The following ANAPC7 variants were observed in gnomAD, a reference collection of about 807,000 sequenced individuals.
ANAPC7 encodes the protein anaphase-promoting complex subunit 7.
Under a neutral mutation model 63.3 loss-of-function variants are expected in ANAPC7, and 25 were observed. That is an observed-to-expected ratio of 0.39 (90% CI 0.29 to 0.55). ANAPC7 has a LOEUF of 0.55. Ranked by LOEUF, ANAPC7 falls within the 20% of genes least tolerant of loss-of-function variation. The pLI is 0.57. For missense variants in ANAPC7, 516 were observed against 691.7 expected (o/e 0.75, Z 2.85); for synonymous variants, 241 against 251.7 (o/e 0.96, Z 0.40).
intron 10 of ANAPC7, among the ~76,000 whole-genome samples, chr12:110,375,227 C>G (rs1308475474): frequency 6.6e-6 from 1 of 152,178 alleles, no homozygotes; most frequent in African/African-American, 2.4e-5. Flanking sequence ...GGCTCCTGCC[C>G]TCTGGACTCC....
chr12:110,386,186 A>C, intron 6 of ANAPC7, 141 bp downstream of exon 6: 1 of 1,267,132 alleles, frequency 7.9e-7, no homozygotes, highest in South Asian at 1.3e-5. Flanking sequence ...GTCATGACCT[A>C]AAAAAAGTAA....
intron 3 of ANAPC7, among the ~76,000 whole-genome samples, chr12:110,389,998 G>A (rs1000395635): frequency 1.3e-5 from 2 of 152,004 alleles, no homozygotes; most frequent in Non-Finnish European, 2.9e-5. Context: ...TCCTAAGAAT[G>A]TAGAAGTTAT....
intron 6 of ANAPC7, among the ~76,000 whole-genome samples, chr12:110,384,134 G>A (rs28816104): frequency 0.23 from 34,268 of 151,860 alleles, 5,095 homozygotes; most frequent in East Asian, 0.56. Flanking sequence ...CTCAGAGGGC[G>A]GATGTTGCAG....
intron 3 of ANAPC7, among the ~76,000 whole-genome samples, chr12:110,391,834 C>T (rs1183396684): frequency 1.3e-5 from 2 of 152,108 alleles, no homozygotes; most frequent in Non-Finnish European, 2.9e-5. Context: ...GTGGCTCATG[C>T]CTGTAATCCC....
At chr12:110,392,406 A>G (rs1786131038) in intron 3 of ANAPC7, among the ~76,000 whole-genome samples, 1 of 152,212 alleles carries the variant, frequency 6.6e-6, no homozygotes, top group Admixed American at 6.5e-5. Context: ...GGTTACTTTT[A>G]AAGTTCAGCA....
intron 10 of ANAPC7, chr12:110,375,338 G>T (rs963481301): frequency 3.3e-5 from 27 of 815,698 alleles, no homozygotes; most frequent in Admixed American, 1.2e-4. Context: ...ATCTCCAGTT[G>T]TCACTGAGAT....
At chr12:110,383,238 A>C (rs551256936) in intron 6 of ANAPC7, 3 of 292,850 alleles carry the variant, frequency 1.0e-5, no homozygotes, top group Non-Finnish European at 1.9e-5. Context: ...GGAGATCGAG[A>C]CCATCCTGGC....
chr12:110,403,584 A>T lies in ANAPC7; in HGVS notation c.44T>A (p.Leu15Gln). The T allele has an allele frequency of 6.2e-7, 1 of 1,608,874 alleles. No homozygotes were observed. The highest frequency in any genetic ancestry group is 8.5e-7 in the Non-Finnish European group (1 of 1,178,138). ...GCTGAGGAGCCGCACGTTGGAGTGC[A>T]GCCCCGCGGCCGCCATGTCCCGCAC... ...DHVRDMAAAG[L>Q]HSNVRLLSSL... Residue 15 changes from leucine (L) to glutamine (Q), a missense_variant, in exon 1 of 11, where the codon CTG (leucine) becomes CAG (glutamine). Around this residue, in one of 4 missense-constraint regions of ANAPC7, gnomAD observed 185 missense variants for 200.3 expected, o/e 0.92. Coordinates refer to ENST00000455511, the MANE Select transcript of ANAPC7 (RefSeq NM_016238.3).
chr12:110,390,908 T>C (rs774645270), intron 3 of ANAPC7, among the ~76,000 whole-genome samples: 1 of 152,204 alleles, frequency 6.6e-6, no homozygotes, highest in Non-Finnish European at 1.5e-5. Flanking sequence ...AAGTCAATTA[T>C]TGGCCGGGCG....
intron 9 of ANAPC7, 112 bp from the exon 10 acceptor site, chr12:110,376,328 G>A (rs915214172): frequency 1.1e-5 from 14 of 1,232,808 alleles, no homozygotes; most frequent in South Asian, 4.3e-5. Context: ...AACACAAAGC[G>A]AGGGCAAGCA....
intron 3 of ANAPC7, among the ~76,000 whole-genome samples, chr12:110,393,102 G>C (rs531576990): frequency 6.6e-6 from 1 of 151,946 alleles, no homozygotes; most frequent in Non-Finnish European, 1.5e-5. Flanking sequence ...GCCGACACCA[G>C]ATCTTTTGAT....
At chr12:110,402,459 A>G (rs1206424057) in intron 1 of ANAPC7, among the ~76,000 whole-genome samples, 1 of 151,720 alleles carries the variant, frequency 6.6e-6, no homozygotes, top group African/African-American at 2.4e-5. Context: ...CCTCCCGAGT[A>G]GCTGGGACTA....
At chr12:110,400,736 A>G (rs960326001) in intron 1 of ANAPC7, among the ~76,000 whole-genome samples, 2 of 151,984 alleles carry the variant, frequency 1.3e-5, no homozygotes, top group Admixed American at 1.3e-4. Context: ...TGTGGGTCTC[A>G]CTAGTAAGGT....
chr12:110,375,852 A>G (rs1469541402), intron 10 of ANAPC7: 1 of 1,264,816 alleles, frequency 7.9e-7, no homozygotes, highest in Non-Finnish European at 9.9e-7. Flanking sequence ...TGGGATGGTT[A>G]TGAGTGAAAC....
At chr12:110,399,781 ACT>A (rs1010775050) in intron 1 of ANAPC7, among the ~76,000 whole-genome samples, 125 of 131,574 alleles carry the variant, frequency 9.5e-4, no homozygotes, top group African/African-American at 3.4e-3. Context: ...CGAGAGAGAG[ACT>A]CTGTCTCAGA....
chr12:110,397,502 G>A (rs1480862321), intron 1 of ANAPC7, among the ~76,000 whole-genome samples: 3 of 150,440 alleles, frequency 2.0e-5, no homozygotes, highest in Non-Finnish European at 1.5e-5. Context: ...ATAGTAAGCC[G>A]AGATCGCGCC....
intron 6 of ANAPC7, among the ~76,000 whole-genome samples, chr12:110,386,037 C>G (rs1215572341): frequency 6.6e-6 from 1 of 151,908 alleles, no homozygotes; most frequent in African/African-American, 2.4e-5. Context: ...TCAGGCACAC[C>G]ATAAATTTAT....
chr12:110,377,968 T>A (rs1881443171), intron 8 of ANAPC7: 6 of 404,370 alleles, frequency 1.5e-5, no homozygotes, highest in Non-Finnish European at 2.4e-5. Flanking sequence ...GAGATCAAAG[T>A]AGTGAGAGAT....
chr12:110,401,151 G>C (rs1566281120), intron 1 of ANAPC7, among the ~76,000 whole-genome samples: 1 of 152,206 alleles, frequency 6.6e-6, no homozygotes, highest in African/African-American at 2.4e-5. Flanking sequence ...TTCTGACCTA[G>C]ACCAGCTTCT....
Sources: allele counts gnomAD v4.1 joint callset (sites outside exome capture counted in the v4.1 genomes callset), GRCh38; gene constraint gnomAD v4.1.1; regional missense constraint gnomAD v4.1.1; transcripts MANE v1.5; gene names NCBI Gene and HGNC (gene_info 2026-07-23, HGNC 2026-07-21).